PDE1C: variants seen among roughly 807,000 people sequenced by gnomAD.
PDE1C encodes the protein dual specificity calcium/calmodulin-dependent 3',5'-cyclic nucleotide phosphodiesterase 1C.
PDE1C carries 62 observed loss-of-function variants against 93.1 expected under a neutral mutation model. The observed-to-expected ratio is 0.67, with a 90% confidence interval of 0.54 to 0.82. The LOEUF (loss-of-function observed/expected upper bound fraction) is 0.82. Among genes scored for constraint, PDE1C ranks in the 40% least tolerant of loss-of-function variants. The probability of loss-of-function intolerance (pLI) is 0.00; values close to 1 mark genes in which losing one functional copy is unlikely to be tolerated. For synonymous variants in PDE1C, 325 were observed against 310.1 expected (o/e 1.05, Z -0.50); for missense variants, 742 against 884.6 (o/e 0.84, Z 2.04).
chr7:32,112,438 A>T (rs189707010), intron 3 of PDE1C, among the ~76,000 whole-genome samples: 3 of 152,192 alleles, frequency 2.0e-5, no homozygotes, highest in African/African-American at 7.2e-5. Context: ...GACCAATTTT[A>T]AAAACCTAAT....
chr7:31,841,209 G>GTCTCTCTCTCTCTC (rs377551907), intron 9 of PDE1C, among the ~76,000 whole-genome samples: 191 of 140,190 alleles, frequency 1.4e-3, no homozygotes, highest in African/African-American at 3.5e-3. Context: ...CCCTCTCTCT[G>GTCTCTCTCTCTCTC]TCTCTCTCTC....
intron 17 of PDE1C, among the ~76,000 whole-genome samples, chr7:31,754,015 A>C (rs114032466): frequency 0.011 from 1,671 of 152,342 alleles, 36 homozygotes; most frequent in African/African-American, 0.038. Flanking sequence ...ACATATAAAG[A>C]TCTTGTATTC....
intron 2 of PDE1C, among the ~76,000 whole-genome samples, chr7:31,996,707 T>G (rs1784772454): frequency 6.6e-6 from 1 of 152,254 alleles, no homozygotes; most frequent in Non-Finnish European, 1.5e-5. Context: ...TCTCTGCTGC[T>G]GCACATTGTA....
chr7:32,204,986 A>G (rs1805319083), intron 2 of PDE1C, among the ~76,000 whole-genome samples: 1 of 152,252 alleles, frequency 6.6e-6, no homozygotes, highest in Admixed American at 6.5e-5. Flanking sequence ...TTCAATAAGT[A>G]TATATGAAAT....
At chr7:31,659,740 G>T in the PDE1C span, among the ~76,000 whole-genome samples, 1 of 152,126 alleles carries the variant, frequency 6.6e-6, no homozygotes, top group Non-Finnish European at 1.5e-5. Context: ...GCACTATATT[G>T]CAGGAAAATT....
intron 2 of PDE1C, among the ~76,000 whole-genome samples, chr7:31,994,360 T>C (rs1276659419): frequency 6.6e-6 from 1 of 152,134 alleles, no homozygotes. Flanking sequence ...AAGTACCAAT[T>C]TTAAGAGGTC....
chr7:31,764,258 C>T (rs960141505), intron 17 of PDE1C, among the ~76,000 whole-genome samples: 2 of 152,126 alleles, frequency 1.3e-5, no homozygotes, highest in African/African-American at 2.4e-5. Context: ...GATTCTCCTG[C>T]CTCAGACTCT....
chr7:31,798,409 A>G lies in PDE1C; in HGVS notation c.1891+10622T>C, dbSNP rs554502171. 2.0e-5 allele frequency among the ~76,000 whole-genome samples: 3 copies of G among 151,822 alleles called. No individual in the cohort carries two copies. The East Asian group carries it at 5.8e-4, about 30-fold the overall frequency. On this transcript the variant is annotated intron_variant, in intron 16 of 17. Transcript: ENST00000396191. Reference sequence around the variant, plus strand: ...AGATGAAGGAATTTTGTGTTTCCCAAATGAGACCATTCTTATATAAAGAAC... The same window carrying G: ...AGATGAAGGAATTTTGTGTTTCCCAGATGAGACCATTCTTATATAAAGAAC...
At chr7:31,740,962 A>G in the PDE1C span, among the ~76,000 whole-genome samples, 1 of 151,960 alleles carries the variant, frequency 6.6e-6, no homozygotes, top group African/African-American at 2.4e-5. Flanking sequence ...CCAGCTACTC[A>G]GGAGGCTGAA....
At chr7:31,702,018 T>A in the PDE1C span, among the ~76,000 whole-genome samples, 1 of 152,142 alleles carries the variant, frequency 6.6e-6, no homozygotes, top group African/African-American at 2.4e-5. Context: ...GTAATAAAAT[T>A]TTTTAGAAGT....
At chr7:32,331,093 CACTT>C (rs1382613093) in intron 1 of PDE1C, among the ~76,000 whole-genome samples, 1 of 152,194 alleles carries the variant, frequency 6.6e-6, no homozygotes, top group East Asian at 1.9e-4. Flanking sequence ...GATCTTAACT[CACTT>C]ACCTGTGTTT....
intron 1 of PDE1C, among the ~76,000 whole-genome samples, chr7:32,378,734 A>C (rs1784477104): frequency 6.6e-6 from 1 of 152,058 alleles, no homozygotes; most frequent in East Asian, 1.9e-4. Context: ...CATTTCCCAC[A>C]TCCCTGTGAT....
rs746352884 is a variant in PDE1C, at chr7:32,113,350, G to C, written c.308+56435C>G. On this transcript the variant is annotated intron_variant, in intron 3 of 18. Transcript: ENST00000396193. Reference sequence around the variant, plus strand: ...ATATATATATCTATCTCAATTTCTGGGCTCTTTATTCTGTTTTATTCATCT... The same window carrying C: ...ATATATATATCTATCTCAATTTCTGCGCTCTTTATTCTGTTTTATTCATCT... Among the ~76,000 whole-genome samples the C allele has an allele frequency of 3.5e-4, 49 of 139,258 alleles. No individual in the cohort carries two copies. The South Asian group carries it at 3.6e-3, about 10-fold the overall frequency. 91.4% of individuals were successfully genotyped at this position (139,258 alleles called of 152,430 possible). A position where few individuals can be genotyped will look rare whatever the true frequency, so the allele number is the denominator to read the frequency against.
At chr7:32,297,678 G>C (rs991535403) in intron 1 of PDE1C, among the ~76,000 whole-genome samples, 1 of 152,110 alleles carries the variant, frequency 6.6e-6, no homozygotes. Flanking sequence ...AACCCCCTCT[G>C]GTCCCCCTCT....
At chr7:32,412,495 T>C (rs762994595) in intron 1 of PDE1C, among the ~76,000 whole-genome samples, 1 of 151,552 alleles carries the variant, frequency 6.6e-6, no homozygotes, top group Non-Finnish European at 1.5e-5. Flanking sequence ...CATAAATCAG[T>C]AACATAGTTG....
chr7:32,261,770 C>T (rs1810220055), intron 1 of PDE1C, among the ~76,000 whole-genome samples: 1 of 152,186 alleles, frequency 6.6e-6, no homozygotes, highest in South Asian at 2.1e-4. Flanking sequence ...GCTAGGCAGA[C>T]ATTTTGGTGG....
At chr7:32,294,976 T>G (rs933150924) in intron 1 of PDE1C, among the ~76,000 whole-genome samples, 7 of 152,248 alleles carry the variant, frequency 4.6e-5, no homozygotes, top group Non-Finnish European at 8.8e-5. Flanking sequence ...AATCTTAGTC[T>G]TGTTTCCAAG....
intron 1 of PDE1C, among the ~76,000 whole-genome samples, chr7:32,371,182 AAAAAACAAAAAC>A (rs757658360): frequency 6.6e-6 from 1 of 151,982 alleles, no homozygotes; most frequent in African/African-American, 2.4e-5. Flanking sequence ...TTCTCCCACC[AAAAAACAAAAAC>A]AAAAACAAAA....
chr7:31,618,994 A>G, the PDE1C span, among the ~76,000 whole-genome samples: 1 of 152,192 alleles, frequency 6.6e-6, no homozygotes, highest in African/African-American at 2.4e-5. Flanking sequence ...CTGATTCTTC[A>G]TCCCCTTACA....
Sources: gnomAD v4.1 joint callset for allele counts (sites outside exome capture counted in the v4.1 genomes callset) on GRCh38, gnomAD v4.1.1 for gene constraint, MANE v1.5 for transcripts, NCBI Gene and HGNC (gene_info 2026-07-23, HGNC 2026-07-21) for gene names.